SCHIP1: variants seen among roughly 807,000 people sequenced by gnomAD.
SCHIP1 encodes the protein schwannomin-interacting protein 1.
Under a neutral mutation model 29.7 loss-of-function variants are expected in SCHIP1, and 8 were observed. The observed-to-expected ratio is 0.27, with a 90% confidence interval of 0.16 to 0.49. The LOEUF (loss-of-function observed/expected upper bound fraction) is 0.49, where lower values mean the gene tolerates loss of function less well. SCHIP1 is among the 20% of genes least tolerant of loss of function. The pLI is 0.99. For synonymous variants in SCHIP1, 76 were observed against 94.9 expected, an observed-to-expected ratio of 0.80 and a Z score of 1.16; for missense variants, 193 against 294.6, an observed-to-expected ratio of 0.66 and a Z score of 2.52.
the SCHIP1 span, among the ~76,000 whole-genome samples, chr3:159,694,028 G>A: frequency 2.0e-5 from 3 of 152,026 alleles, no homozygotes; most frequent in Non-Finnish European, 4.4e-5. Context: ...ACCTGTAGGC[G>A]AATATAGGTA....
the SCHIP1 span, among the ~76,000 whole-genome samples, chr3:159,706,082 C>T: frequency 6.6e-6 from 1 of 152,234 alleles, no homozygotes; most frequent in African/African-American, 2.4e-5. Context: ...GCTGAGATAA[C>T]TAATTATAGC....
At chr3:159,401,722 TTGCCCA>T in the SCHIP1 span, among the ~76,000 whole-genome samples, 3 of 152,336 alleles carry the variant, frequency 2.0e-5, no homozygotes, top group South Asian at 6.2e-4. Context: ...CATGAAGTCC[TTGCCCA>T]TGCCTATGTC....
intron 6 of SCHIP1, among the ~76,000 whole-genome samples, chr3:159,895,629 T>A (rs1435032605): frequency 1.3e-5 from 2 of 152,216 alleles, no homozygotes; most frequent in African/African-American, 4.8e-5. Flanking sequence ...ACTGTCTAGC[T>A]GCTTCACTGG....
At chr3:159,446,015 T>G in the SCHIP1 span, among the ~76,000 whole-genome samples, 4 of 141,326 alleles carry the variant, frequency 2.8e-5, no homozygotes, top group Non-Finnish European at 4.5e-5. Flanking sequence ...ACCCTAAAAC[T>G]TAAAGTATAA....
At chr3:159,732,267 A>G in the SCHIP1 span, among the ~76,000 whole-genome samples, 1 of 152,218 alleles carries the variant, frequency 6.6e-6, no homozygotes, top group African/African-American at 2.4e-5. Context: ...TTCTTGCCCA[A>G]ACAGGTTCCA....
the SCHIP1 span, among the ~76,000 whole-genome samples, chr3:159,750,261 GTGTATATATA>G: frequency 9.1e-3 from 107 of 11,806 alleles, 1 homozygote; most frequent in African/African-American, 0.015. Flanking sequence ...GTATGTGTGT[GTGTATATATA>G]TATATATATA....
chr3:159,371,062 CTGAT>C, the SCHIP1 span, among the ~76,000 whole-genome samples: 124,949 of 151,628 alleles, frequency 0.82, 51,856 homozygotes, highest in African/African-American at 0.9. Context: ...TCTGTCTTTC[CTGAT>C]TGATTAGAAT....
the SCHIP1 span, among the ~76,000 whole-genome samples, chr3:159,555,337 T>C: frequency 6.6e-6 from 1 of 152,198 alleles, no homozygotes; most frequent in African/African-American, 2.4e-5. Context: ...CTAATGGTCT[T>C]TGTGGTCATT....
chr3:159,366,314 C>T, the SCHIP1 span, among the ~76,000 whole-genome samples: 2 of 101,620 alleles, frequency 2.0e-5, no homozygotes. Context: ...ATCCAAACCC[C>T]ACCCACCACC....
chr3:159,892,190 G>A (rs1717602517), exon 6 of SCHIP1: 1 of 1,614,044 alleles, frequency 6.2e-7, no homozygotes, highest in Admixed American at 1.7e-5. Flanking sequence ...GACTTGACCA[G>A]GTCAGTGTGG....
chr3:159,855,313 G>A (rs1713222870), intron 1 of SCHIP1, among the ~76,000 whole-genome samples: 2 of 152,000 alleles, frequency 1.3e-5, no homozygotes, highest in Admixed American at 6.6e-5. Flanking sequence ...AGTGAAACAG[G>A]GCAACATACA....
At chr3:159,733,222 G>T in the SCHIP1 span, among the ~76,000 whole-genome samples, 1 of 152,210 alleles carries the variant, frequency 6.6e-6, no homozygotes, top group Admixed American at 6.5e-5. Flanking sequence ...TCAGCTTCTT[G>T]AATTTTTTTC....
At chr3:159,625,679 A>C in the SCHIP1 span, among the ~76,000 whole-genome samples, 1 of 152,010 alleles carries the variant, frequency 6.6e-6, no homozygotes, top group Non-Finnish European at 1.5e-5. Context: ...TTTTGTTTCC[A>C]GAAAGCTGGT....
the SCHIP1 span, among the ~76,000 whole-genome samples, chr3:159,559,171 C>T: frequency 1.3e-5 from 2 of 152,136 alleles, no homozygotes; most frequent in African/African-American, 4.8e-5. Flanking sequence ...TCTCTCAGAA[C>T]AGAAGTGACT....
the SCHIP1 span, among the ~76,000 whole-genome samples, chr3:159,465,704 C>T: frequency 6.6e-6 from 1 of 152,084 alleles, no homozygotes; most frequent in East Asian, 1.9e-4. Flanking sequence ...AAAGCCACAG[C>T]AGAAAATATT....
the SCHIP1 span, among the ~76,000 whole-genome samples, chr3:159,683,698 G>T: frequency 6.6e-6 from 1 of 152,150 alleles, no homozygotes; most frequent in South Asian, 2.1e-4. Flanking sequence ...AGTTTCCATA[G>T]AGGACCATCA....
chr3:159,421,020 G>A, the SCHIP1 span, among the ~76,000 whole-genome samples: 2 of 152,326 alleles, frequency 1.3e-5, no homozygotes, highest in Non-Finnish European at 2.9e-5. Flanking sequence ...CCTCATTAAA[G>A]TCTTCAAATG....
the SCHIP1 span, among the ~76,000 whole-genome samples, chr3:159,562,273 C>T: frequency 1.2e-4 from 18 of 152,190 alleles, no homozygotes; most frequent in Non-Finnish European, 1.5e-4. Context: ...TTAAATCTAA[C>T]TAATAAACAA....
Position 159,892,006 on chromosome 3 carries a change from G to A in SCHIP1, c.590-91G>A, listed in dbSNP as rs1717592152. On this transcript the variant is annotated intron_variant, in intron 5 of 6. Transcript: ENST00000445224. Reference sequence around the variant, plus strand: ...AAAAATATCTTTCCTATTATGGGTAGCTGTTTGTGTGTATACTGGTTGGTA... The same window carrying A: ...AAAAATATCTTTCCTATTATGGGTAACTGTTTGTGTGTATACTGGTTGGTA... The A allele has an allele frequency of 3.7e-6, 5 of 1,356,992 alleles. No individual in the cohort carries two copies. In the East Asian group the frequency reaches 1.2e-4, roughly 32 times the overall value. 84.1% of individuals were successfully genotyped at this position (1,356,992 alleles called of 1,614,324 possible). A position where few individuals can be genotyped will look rare whatever the true frequency, so the allele number is the denominator to read the frequency against.
Sources: allele counts gnomAD v4.1 joint callset (sites outside exome capture counted in the v4.1 genomes callset), GRCh38; gene constraint gnomAD v4.1.1; transcripts MANE v1.5; gene names NCBI Gene and HGNC (gene_info 2026-07-23, HGNC 2026-07-21).